The following SLC25A21 variants were observed in gnomAD, a reference collection of about 807,000 sequenced individuals.
SLC25A21 encodes the protein solute carrier family 25 member 21, also known as mitochondrial 2-oxodicarboxylate carrier.
In SLC25A21, 47 loss-of-function variants were observed where a neutral mutation model predicts 43.8. That is an observed-to-expected ratio of 1.07 (90% confidence interval 0.85 to 1.37). The LOEUF is 1.37. Ranked by LOEUF, SLC25A21 falls within the 40% of genes most tolerant of loss-of-function variation. SLC25A21 has a pLI of 0.00. For synonymous variants in SLC25A21, 131 were observed against 121.3 expected, an observed-to-expected ratio of 1.08 and a Z score of -0.52; for missense variants, 352 against 350.2, an observed-to-expected ratio of 1.00 and a Z score of -0.04.
In SLC25A21 at chr14:37,112,970, A is replaced by C. The variant is rs142119631; in HGVS notation, c.70+59311T>G. 1.4e-3 allele frequency among the ~76,000 whole-genome samples: 213 copies of C among 152,302 alleles called. 2 individuals are homozygous for C. Among genetic ancestry groups the C allele is most frequent in the African/African-American group, 4.7e-3 (197 of 41,572 alleles). On this transcript the variant is annotated intron_variant, in intron 1 of 9. Coordinates refer to ENST00000331299, the MANE Select transcript of SLC25A21 (RefSeq NM_030631.4). Reference sequence around the variant, plus strand: ...TGACTAAAAAATGGAAACAAAAAAAAAATCGGAATAGATGCAAAGAAACGA... The same window carrying C: ...TGACTAAAAAATGGAAACAAAAAAACAATCGGAATAGATGCAAAGAAACGA...
intron 1 of SLC25A21, among the ~76,000 whole-genome samples, chr14:37,043,940 G>GTTTTTTTTT (rs59081965): frequency 2.6e-4 from 15 of 56,768 alleles, no homozygotes; most frequent in African/African-American, 6.9e-4. Flanking sequence ...ATGTTTTTTT[G>GTTTTTTTTT]TTTTTTTTTT....
intron 1 of SLC25A21, among the ~76,000 whole-genome samples, chr14:37,059,829 G>A (rs1233071002): frequency 6.6e-6 from 1 of 152,092 alleles, no homozygotes; most frequent in Non-Finnish European, 1.5e-5. Flanking sequence ...CCGCACTAGA[G>A]GGGTATCAAC....
chr14:36,898,752 A>G (rs1891320920), intron 1 of SLC25A21, among the ~76,000 whole-genome samples: 2 of 152,192 alleles, frequency 1.3e-5, no homozygotes. Context: ...GGTGGCCACC[A>G]GAGCTGCCAG....
intron 1 of SLC25A21, among the ~76,000 whole-genome samples, chr14:37,047,219 G>A (rs1159189130): frequency 6.6e-6 from 1 of 152,164 alleles, no homozygotes; most frequent in African/African-American, 2.4e-5. Flanking sequence ...CAATTCACGT[G>A]AAATTTAAAA....
intron 1 of SLC25A21, among the ~76,000 whole-genome samples, chr14:36,994,523 C>A (rs555812429): frequency 1.3e-5 from 2 of 152,224 alleles, no homozygotes; most frequent in Non-Finnish European, 2.9e-5. Flanking sequence ...GCAGTTGGAC[C>A]CTTCCCTGCT....
chr14:37,061,300 T>C (rs1961943689), intron 1 of SLC25A21, among the ~76,000 whole-genome samples: 1 of 152,192 alleles, frequency 6.6e-6, no homozygotes, highest in Admixed American at 6.5e-5. Flanking sequence ...GCAACAGCAT[T>C]CAGGCTGATT....
chr14:36,897,182 C>G (rs150068266), intron 1 of SLC25A21, among the ~76,000 whole-genome samples: 28,242 of 152,060 alleles, frequency 0.19, 3,761 homozygotes, highest in East Asian at 0.41. Context: ...ACACCAATCA[C>G]ACGTAGATTT....
At chr14:37,163,787 A>G (rs1453487639) in intron 1 of SLC25A21, among the ~76,000 whole-genome samples, 2 of 152,184 alleles carry the variant, frequency 1.3e-5, no homozygotes, top group Non-Finnish European at 2.9e-5. Context: ...GTAGAATGAT[A>G]ACACTTTAAA....
intron 9 of SLC25A21, 53 bp downstream of exon 9, chr14:36,683,774 AG>A: frequency 7.8e-7 from 1 of 1,288,686 alleles, no homozygotes; most frequent in Non-Finnish European, 1.1e-6. Flanking sequence ...TATCAAAAAA[AG>A]AGACGCTAGA....
intron 1 of SLC25A21, among the ~76,000 whole-genome samples, chr14:36,957,395 C>T (rs1242031125): frequency 6.6e-6 from 1 of 152,190 alleles, no homozygotes; most frequent in African/African-American, 2.4e-5. Context: ...GAGTTCCAGT[C>T]CTGGCTTGCC....
At chr14:37,068,138 T>C (rs1962098009) in intron 1 of SLC25A21, among the ~76,000 whole-genome samples, 1 of 152,220 alleles carries the variant, frequency 6.6e-6, no homozygotes, top group African/African-American at 2.4e-5. Flanking sequence ...GGGTTCATAG[T>C]CACCACATTG....
At chr14:37,135,923 A>C (rs11156935) in intron 1 of SLC25A21, among the ~76,000 whole-genome samples, 83,652 of 152,048 alleles carry the variant, frequency 0.55, 25,642 homozygotes, top group Non-Finnish European at 0.68. Context: ...GTAAGTGCTC[A>C]ATAAATGGTA....
chr14:36,884,945 C>G (rs1319977144), intron 1 of SLC25A21, among the ~76,000 whole-genome samples: 2 of 152,110 alleles, frequency 1.3e-5, no homozygotes, highest in African/African-American at 4.8e-5. Flanking sequence ...TAATAATGCC[C>G]TTTGCTGTGC....
chr14:36,957,259 G>C (rs968810260), intron 1 of SLC25A21, among the ~76,000 whole-genome samples: 1 of 152,150 alleles, frequency 6.6e-6, no homozygotes, highest in African/African-American at 2.4e-5. Context: ...CTCAAGGAAG[G>C]GGCAATGCAA....
At chr14:37,049,642 G>A (rs1454945507) in intron 1 of SLC25A21, among the ~76,000 whole-genome samples, 2 of 152,126 alleles carry the variant, frequency 1.3e-5, no homozygotes, top group African/African-American at 4.8e-5. Context: ...TCAGACTGAT[G>A]TTGTACAATA....
At chr14:36,959,613 GA>G (rs961486701) in intron 1 of SLC25A21, among the ~76,000 whole-genome samples, 4 of 151,996 alleles carry the variant, frequency 2.6e-5, no homozygotes, top group Non-Finnish European at 5.9e-5. Context: ...ACACCAAAGG[GA>G]AAAAATGAAA....
chr14:36,767,810 AT>A (rs1402263123), intron 3 of SLC25A21, among the ~76,000 whole-genome samples: 5 of 152,220 alleles, frequency 3.3e-5, no homozygotes, highest in Non-Finnish European at 7.3e-5. Context: ...TAGCCCAGCA[AT>A]TCAGGCCCGT....
intron 7 of SLC25A21, among the ~76,000 whole-genome samples, chr14:36,707,115 C>T (rs1198532138): frequency 6.6e-6 from 1 of 152,180 alleles, no homozygotes; most frequent in Non-Finnish European, 1.5e-5. Context: ...CTCTCTCTCT[C>T]CTAGAGCCTT....
chr14:37,095,810 ACGCG>A (rs1566877765), intron 1 of SLC25A21, among the ~76,000 whole-genome samples: 6 of 39,606 alleles, frequency 1.5e-4, no homozygotes, highest in Non-Finnish European at 2.5e-4. Flanking sequence ...ATACACACAC[ACGCG>A]CACGCACACA....
Sources: gnomAD v4.1 joint callset for allele counts (sites outside exome capture counted in the v4.1 genomes callset) on GRCh38, gnomAD v4.1.1 for gene constraint, MANE v1.5 for transcripts, NCBI Gene and HGNC (gene_info 2026-07-23, HGNC 2026-07-21) for gene names.